The following DCC variants were observed in gnomAD, a reference collection of about 807,000 sequenced individuals.
The protein encoded by DCC is DCC netrin 1 receptor, also known as netrin receptor DCC.
Under a neutral mutation model 172.5 loss-of-function variants are expected in DCC, and 58 were observed. The ratio of observed to expected loss-of-function variants is 0.34; its 90% CI spans 0.27 to 0.42. DCC has a LOEUF of 0.42. DCC is among the 10% of genes least tolerant of loss of function. DCC has a pLI of 1.00. For missense variants in DCC, 1,740 were observed against 1,791.0 expected (o/e 0.97, Z 0.51); for synonymous variants, 709 against 644.5 (o/e 1.10, Z -1.52).
chr18:52,719,073 G>A (rs149157580), intron 1 of DCC, among the ~76,000 whole-genome samples: 11 of 152,148 alleles, frequency 7.2e-5, no homozygotes, highest in African/African-American at 2.4e-4. Context: ...TCCTTGGCTT[G>A]TAGCTGCATC....
intron 9 of DCC, among the ~76,000 whole-genome samples, chr18:53,186,887 T>C (rs1486965067): frequency 6.6e-6 from 1 of 152,056 alleles, no homozygotes; most frequent in Non-Finnish European, 1.5e-5. Context: ...TTCCAGAGGG[T>C]ATGAACGGTG....
intron 1 of DCC, among the ~76,000 whole-genome samples, chr18:52,573,923 G>A (rs2144763504): frequency 6.6e-6 from 1 of 152,122 alleles, no homozygotes; most frequent in Non-Finnish European, 1.5e-5. Flanking sequence ...ACTTTTCATG[G>A]GTTTCTACAT....
At chr18:53,124,387 T>C (rs2043525509) in intron 7 of DCC, among the ~76,000 whole-genome samples, 1 of 152,084 alleles carries the variant, frequency 6.6e-6, no homozygotes. Flanking sequence ...AGTTTCAAGT[T>C]CTATCAAGTT....
intron 2 of DCC, among the ~76,000 whole-genome samples, chr18:52,767,041 G>A (rs561621739): frequency 5.9e-5 from 9 of 151,862 alleles, no homozygotes; most frequent in Admixed American, 2.6e-4. Context: ...CATATCCTGT[G>A]TCTTTGCTGC....
At chr18:52,842,975 A>G (rs1449421501) in intron 2 of DCC, among the ~76,000 whole-genome samples, 1 of 152,198 alleles carries the variant, frequency 6.6e-6, no homozygotes, top group African/African-American at 2.4e-5. Flanking sequence ...GAACTTGGTT[A>G]CTAATTTAGG....
chr18:52,907,295 TATG>T (rs2039899450), intron 3 of DCC, among the ~76,000 whole-genome samples: 2 of 103,418 alleles, frequency 1.9e-5, no homozygotes, highest in Non-Finnish European at 2.0e-5. Flanking sequence ...GATATATACA[TATG>T]GATATATACA....
At chr18:53,251,789 A>T (rs2056438614) in intron 12 of DCC, among the ~76,000 whole-genome samples, 1 of 151,940 alleles carries the variant, frequency 6.6e-6, no homozygotes, top group East Asian at 1.9e-4. Flanking sequence ...TTGATGAAGC[A>T]CCATATCCCA....
At chr18:52,597,264 C>A (rs149684897) in intron 1 of DCC, among the ~76,000 whole-genome samples, 3 of 152,206 alleles carry the variant, frequency 2.0e-5, no homozygotes, top group South Asian at 4.1e-4. Context: ...GGATCTGACC[C>A]TTTTGTGTTA....
intron 5 of DCC, among the ~76,000 whole-genome samples, chr18:52,989,630 T>A (rs1400397720): frequency 6.6e-6 from 1 of 152,122 alleles, no homozygotes; most frequent in Non-Finnish European, 1.5e-5. Flanking sequence ...ATAGAATAAA[T>A]ATAGATAAGA....
chr18:52,954,376 T>A (rs1012057764), intron 5 of DCC, among the ~76,000 whole-genome samples: 30 of 152,342 alleles, frequency 2.0e-4, no homozygotes, highest in Admixed American at 9.2e-4. Context: ...CAGCTTTATG[T>A]AATTTGTCAT....
At chr18:53,243,732 A>T (rs553996462) in intron 12 of DCC, among the ~76,000 whole-genome samples, 1 of 152,186 alleles carries the variant, frequency 6.6e-6, no homozygotes, top group Non-Finnish European at 1.5e-5. Context: ...TATTAACGAC[A>T]TAATGTTTGT....
chr18:53,464,790 G>A (rs139237894), intron 24 of DCC, among the ~76,000 whole-genome samples: 1 of 151,884 alleles, frequency 6.6e-6, no homozygotes, highest in East Asian at 1.9e-4. Context: ...AGATGAGCCT[G>A]ACCAACATGG....
At chr18:52,842,040 CTATTT>C (rs2038816146) in intron 2 of DCC, among the ~76,000 whole-genome samples, 1 of 151,524 alleles carries the variant, frequency 6.6e-6, no homozygotes, top group Non-Finnish European at 1.5e-5. Flanking sequence ...ATCAATGAAA[CTATTT>C]TAATGACCAT....
intron 1 of DCC, among the ~76,000 whole-genome samples, chr18:52,708,013 C>T (rs771472038): frequency 6.6e-6 from 1 of 152,078 alleles, no homozygotes; most frequent in African/African-American, 2.4e-5. Context: ...AGTGTTTTCA[C>T]CACAAAAAAT....
At position 53,533,069 on chromosome 18, in the gene DCC, A is replaced by G. The variant is rs1360430989; in HGVS notation, c.*2416A>G. 4 of 152,170 alleles carry G rather than the reference A, an allele frequency of 2.6e-5. No individual in the cohort carries two copies. Among genetic ancestry groups the G allele is most frequent in the South Asian group, 2.1e-4 (1 of 4,838 alleles). The allele number at this position is 152,170 out of a possible 1,614,324, so 9.4% of individuals were successfully genotyped here. A position where few individuals can be genotyped will look rare whatever the true frequency, so the allele number is the denominator to read the frequency against. On this transcript the variant is annotated 3_prime_UTR_variant, in exon 29 of 29. Transcript: ENST00000442544. ...AATACAATCAATTTAAACATCCTCA[A>G]AAAACTCTAGTATCATTTACCTGGT...
At chr18:52,447,078 C>T (rs1468392334) in intron 1 of DCC, among the ~76,000 whole-genome samples, 1 of 152,182 alleles carries the variant, frequency 6.6e-6, no homozygotes, top group African/African-American at 2.4e-5. Context: ...AAACAGACAT[C>T]AAAGACTTTA....
At chr18:52,811,427 A>G (rs1175345999) in intron 2 of DCC, among the ~76,000 whole-genome samples, 1 of 152,238 alleles carries the variant, frequency 6.6e-6, no homozygotes, top group Non-Finnish European at 1.5e-5. Flanking sequence ...ACCCATGCTC[A>G]ATAGCATTCG....
intron 15 of DCC, among the ~76,000 whole-genome samples, chr18:53,361,135 A>G (rs2057940354): frequency 6.6e-6 from 1 of 152,204 alleles, no homozygotes; most frequent in Non-Finnish European, 1.5e-5. Context: ...ACAGACACAG[A>G]GATGGGAATG....
intron 1 of DCC, among the ~76,000 whole-genome samples, chr18:52,614,792 T>C (rs1183942453): frequency 1.3e-5 from 2 of 152,128 alleles, no homozygotes; most frequent in Non-Finnish European, 2.9e-5. Context: ...AACAGCATGA[T>C]GGCATATGTG....
Sources: gnomAD v4.1 joint callset for allele counts (sites outside exome capture counted in the v4.1 genomes callset) on GRCh38, gnomAD v4.1.1 for gene constraint, MANE v1.5 for transcripts, NCBI Gene and HGNC (gene_info 2026-07-23, HGNC 2026-07-21) for gene names.